Variants in CPPED1 observed in about 807,000 individuals in gnomAD.
CPPED1 encodes the protein calcineurin like phosphoesterase domain containing 1.
In CPPED1, 28 loss-of-function variants were observed where a neutral mutation model predicts 28.0. That is an observed-to-expected ratio of 1.00 (90% CI 0.74 to 1.37). CPPED1 has a LOEUF of 1.37. Ranked by LOEUF, CPPED1 falls within the 40% of genes most tolerant of loss-of-function variation. The pLI, the probability that CPPED1 is intolerant of heterozygous loss-of-function variation, is 0.00. For missense variants in CPPED1, 504 were observed against 416.5 expected, an observed-to-expected ratio of 1.21 and a Z score of -1.83; for synonymous variants, 198 against 180.2, an observed-to-expected ratio of 1.10 and a Z score of -0.79.
chr16:12,697,709 G>A (rs2079999301), intron 3 of CPPED1, among the ~76,000 whole-genome samples: 2 of 152,158 alleles, frequency 1.3e-5, no homozygotes, highest in Non-Finnish European at 2.9e-5. Context: ...AGGCAGAGTT[G>A]AGTAGTTGCT....
chr16:12,791,045 T>C (rs954615919), intron 1 of CPPED1, among the ~76,000 whole-genome samples: 1 of 147,078 alleles, frequency 6.8e-6, no homozygotes, highest in African/African-American at 2.6e-5. Context: ...AAATCCATCA[T>C]CTTTTTTTTT....
intron 2 of CPPED1, among the ~76,000 whole-genome samples, chr16:12,777,819 A>G (rs1461440956): frequency 6.6e-6 from 1 of 151,984 alleles, no homozygotes; most frequent in South Asian, 2.1e-4. Flanking sequence ...TTTGTGGATG[A>G]TAAGTACTAT....
At chr16:12,694,111 C>A (rs557239628) in intron 3 of CPPED1, among the ~76,000 whole-genome samples, 192 of 152,194 alleles carry the variant, frequency 1.3e-3, no homozygotes, top group African/African-American at 4.3e-3. Flanking sequence ...GAGGCTGAGG[C>A]AGGAGAATCA....
intron 2 of CPPED1, among the ~76,000 whole-genome samples, chr16:12,734,008 C>T (rs2080212888): frequency 6.9e-6 from 1 of 144,762 alleles, no homozygotes. Flanking sequence ...TTCTAGTTGG[C>T]AATAATTACA....
At position 12,670,721 on chromosome 16, in the gene CPPED1, C is replaced by A. The variant is rs896525999; in HGVS notation, c.716-5606G>T. 6.6e-6 allele frequency among the ~76,000 whole-genome samples: 1 copy of A among 152,158 alleles called. No individual in the cohort carries two copies. Among genetic ancestry groups the A allele is most frequent in the Non-Finnish European group, 1.5e-5 (1 of 68,040 alleles). ...AGACACATTGTATCAAATACCTGACCAGCACTCCTCAAAACTGTCATCAAA... is the reference window on the plus strand; with the variant it reads ...AGACACATTGTATCAAATACCTGACAAGCACTCCTCAAAACTGTCATCAAA... On this transcript the variant is annotated intron_variant, in intron 3 of 3. Coordinates refer to ENST00000381774, the MANE Select transcript of CPPED1 (RefSeq NM_018340.3). The surrounding 1 kb of genome is among the most constrained non-coding windows in gnomAD (Gnocchi z 4.2).
At chr16:12,776,517 CT>C (rs2080498800) in intron 2 of CPPED1, among the ~76,000 whole-genome samples, 1 of 152,162 alleles carries the variant, frequency 6.6e-6, no homozygotes, top group African/African-American at 2.4e-5. Context: ...TGGGGGGGTT[CT>C]TTCTCATGCT....
intron 2 of CPPED1, among the ~76,000 whole-genome samples, chr16:12,769,026 T>C (rs1344129405): frequency 6.6e-6 from 1 of 151,990 alleles, no homozygotes; most frequent in Non-Finnish European, 1.5e-5. Flanking sequence ...CCCCCACACC[T>C]GGCTAATTTT....
chr16:12,784,969 T>G (rs772005199), intron 1 of CPPED1, among the ~76,000 whole-genome samples: 6 of 152,146 alleles, frequency 3.9e-5, no homozygotes, highest in Non-Finnish European at 7.4e-5. Flanking sequence ...TGACCTAAAA[T>G]AAACGACAGC....
chr16:12,696,965 C>T (rs2079994397), intron 3 of CPPED1, among the ~76,000 whole-genome samples: 5 of 152,264 alleles, frequency 3.3e-5, no homozygotes, highest in Admixed American at 2.6e-4. Flanking sequence ...GTACAAACCT[C>T]CAAGTTTTGC....
At chr16:12,802,705 T>C (rs1032443165) in intron 1 of CPPED1, among the ~76,000 whole-genome samples, 6 of 152,170 alleles carry the variant, frequency 3.9e-5, no homozygotes, top group African/African-American at 1.4e-4. Context: ...AAATGAGGTG[T>C]GACGGTTGAG....
At chr16:12,780,787 CA>C (rs954833925) in intron 2 of CPPED1, among the ~76,000 whole-genome samples, 1 of 145,326 alleles carries the variant, frequency 6.9e-6, no homozygotes, top group Non-Finnish European at 1.5e-5. Context: ...TCACTTGCAA[CA>C]AAAAAGCACC....
At chr16:12,750,451 A>C (rs2080320207) in intron 2 of CPPED1, among the ~76,000 whole-genome samples, 1 of 152,184 alleles carries the variant, frequency 6.6e-6, no homozygotes. Flanking sequence ...AGGAGGCCCC[A>C]AAAGAGGGAG....
chr16:12,774,759 G>A (rs1279750346), intron 2 of CPPED1, among the ~76,000 whole-genome samples: 3 of 152,138 alleles, frequency 2.0e-5, no homozygotes, highest in Non-Finnish European at 4.4e-5. Context: ...ATTAATGAAT[G>A]AATGAGTTAG....
chr16:12,782,459 A>G (rs1011483540), intron 1 of CPPED1, among the ~76,000 whole-genome samples: 13 of 152,016 alleles, frequency 8.6e-5, no homozygotes, highest in Admixed American at 5.2e-4. Context: ...CCTCTGAAGA[A>G]ACTGAGGCCC....
At chr16:12,773,604 C>G (rs970645814) in intron 2 of CPPED1, among the ~76,000 whole-genome samples, 1 of 152,142 alleles carries the variant, frequency 6.6e-6, no homozygotes, top group Non-Finnish European at 1.5e-5. Context: ...ACACCTGTAA[C>G]TCCAGCTGCT....
chr16:12,723,525 GGGAGAAGTCGGCCATCT>G (rs1237314813), intron 2 of CPPED1, among the ~76,000 whole-genome samples: 2 of 152,176 alleles, frequency 1.3e-5, no homozygotes, highest in Non-Finnish European at 2.9e-5. Flanking sequence ...TGAGGATACA[GGGAGAAGTCGGCCATCT>G]GCAAGGCAAG....
At position 12,735,561 on chromosome 16, in the gene CPPED1, C is replaced by T. The variant is rs892570262; in HGVS notation, c.290-30512G>A. Among the ~76,000 whole-genome samples the T allele has an allele frequency of 2.6e-5, 4 of 152,230 alleles. No homozygotes were observed. The South Asian group carries it at 8.3e-4, about 31-fold the overall frequency. On this transcript the variant is annotated intron_variant, in intron 2 of 3. Coordinates refer to ENST00000381774, the MANE Select transcript of CPPED1 (RefSeq NM_018340.3). ...CTCAAGTGATCAGCCCACCTTGCAT[C>T]CCAAAGTGCTGGGATTACAGGCACG...
chr16:12,729,749 T>C (rs918675913), intron 2 of CPPED1, among the ~76,000 whole-genome samples: 2 of 152,188 alleles, frequency 1.3e-5, no homozygotes, highest in Non-Finnish European at 2.9e-5. Context: ...GCTTTGTTCC[T>C]TCCACAAATC....
rs2080071501 is a variant in CPPED1 at position 12,709,941 on chromosome 16, A to C, written c.290-4892T>G. 7.8e-6 allele frequency among the ~76,000 whole-genome samples: 1 copy of C among 127,460 alleles called. No individual in the cohort carries two copies. The allele number at this position is 127,460 out of a possible 152,430, so 83.6% of individuals were successfully genotyped here. A position where few individuals can be genotyped will look rare whatever the true frequency, so the allele number is the denominator to read the frequency against. On this transcript the variant is annotated intron_variant, in intron 2 of 3. Coordinates refer to ENST00000381774, the MANE Select transcript of CPPED1 (RefSeq NM_018340.3). The surrounding 1 kb of genome is among the most constrained non-coding windows in gnomAD (Gnocchi z 4.4). ...GGAAGGAAGGGAAGGAAGGGAAGGAAGGGAGGAAGGAAAGAAGGGAAGGAA... is the reference window on the plus strand; with the variant it reads ...GGAAGGAAGGGAAGGAAGGGAAGGACGGGAGGAAGGAAAGAAGGGAAGGAA...
Sources: allele counts gnomAD v4.1 joint callset (sites outside exome capture counted in the v4.1 genomes callset), GRCh38; gene constraint gnomAD v4.1.1; non-coding constraint Gnocchi (gnomAD v3.1); transcripts MANE v1.5; gene names NCBI Gene and HGNC (gene_info 2026-07-23, HGNC 2026-07-21).